The following SORCS3 variants were observed in gnomAD, a reference collection of about 807,000 sequenced individuals.
SORCS3 encodes sortilin related VPS10 domain containing receptor 3.
A neutral mutation model predicts 146.3 loss-of-function variants in SORCS3; 57 were observed. That is an observed-to-expected ratio of 0.39 (90% CI 0.31 to 0.49). The LOEUF is 0.49. SORCS3 is among the 20% of genes least tolerant of loss of function. The pLI is 0.92. For synonymous variants in SORCS3, 653 were observed against 618.5 expected, an observed-to-expected ratio of 1.06 and a Z score of -0.83; for missense variants, 1,341 against 1,575.5, an observed-to-expected ratio of 0.85 and a Z score of 2.52.
intron 1 of SORCS3, among the ~76,000 whole-genome samples, chr10:104,688,265 C>T (rs2016071043): frequency 1.3e-5 from 2 of 152,226 alleles, no homozygotes; most frequent in African/African-American, 4.8e-5. Context: ...TGCACCCTGA[C>T]TGGCCACTCA....
intron 18 of SORCS3, among the ~76,000 whole-genome samples, chr10:105,216,724 C>T (rs911583025): frequency 9.2e-5 from 14 of 152,104 alleles, no homozygotes; most frequent in Admixed American, 7.2e-4. Context: ...CAGCTTGCCC[C>T]GAGCTTGGGC....
In SORCS3 at chr10:105,211,046, G is replaced by T. The variant is rs1388756085; in HGVS notation, c.2262-91G>T. ...ACAATGTGTTATGACTTTCTGGATG[G>T]CAATAGGGACATGTATATGTTTGTG... On this transcript the variant is annotated intron_variant, in intron 16 of 26. Transcript: ENST00000369701. 19 of 781,200 alleles carry T rather than the reference G, an allele frequency of 2.4e-5. 1 individual carries two copies. The South Asian group carries it at 2.7e-4, about 11-fold the overall frequency. The allele number at this position is 781,200 out of a possible 1,614,324, so 48.4% of individuals were successfully genotyped here. A position where few individuals can be genotyped will look rare whatever the true frequency, so the allele number is the denominator to read the frequency against.
rs1288161732 is a variant in SORCS3 at position 105,201,199 on chromosome 10, A to C, written c.2207A>C (p.His736Pro). Residue 736 changes from histidine (H) to proline (P), a missense_variant, in exon 16 of 27, where the codon CAC (histidine) becomes CCC (proline). His to Pro is a moderately conservative substitution (Grantham distance 77). Coordinates refer to ENST00000369701, the MANE Select transcript of SORCS3 (RefSeq NM_014978.3). ...PGAQCALGRD[H>P]SGSVVSEPCV... is the part of the protein sequence containing the mutation. ...GCTCAGTGTGCCCTGGGCCGAGACC[A>C]CTCAGGATCAGTGGTCTCAGAACCC... 1.2e-5 allele frequency: 20 copies of C among 1,611,646 alleles called. No individual in the cohort carries two copies. Among genetic ancestry groups the C allele is most frequent in the Non-Finnish European group, 1.4e-5 (17 of 1,178,958 alleles).
At chr10:105,183,369 T>C (rs2056454512) in intron 14 of SORCS3, among the ~76,000 whole-genome samples, 1 of 152,164 alleles carries the variant, frequency 6.6e-6, no homozygotes, top group Non-Finnish European at 1.5e-5. Flanking sequence ...AGAGGTTTTT[T>C]TTTCTTTTTT....
At chr10:104,955,198 G>A (rs947482494) in intron 3 of SORCS3, among the ~76,000 whole-genome samples, 7 of 152,052 alleles carry the variant, frequency 4.6e-5, no homozygotes, top group African/African-American at 7.2e-5. Context: ...CCTAGTCTCT[G>A]GCAATCACCC....
In SORCS3 at chr10:104,719,808, A is replaced by G. The variant is rs567266518; in HGVS notation, c.627+77854A>G. ...GCAGGAAACCATGAGAATTATGTGA[A>G]TGAGAATTATGCTCTTGCCGAGATT... On this transcript the variant is annotated intron_variant, in intron 1 of 26. Coordinates refer to ENST00000369701, the MANE Select transcript of SORCS3 (RefSeq NM_014978.3). Among the ~76,000 whole-genome samples, 3 of 152,274 alleles carry G rather than the reference A, an allele frequency of 2.0e-5. No individual in the cohort carries two copies. In the South Asian group the frequency reaches 6.2e-4, roughly 32 times the overall value.
At chr10:104,674,549 C>T (rs1231087208) in intron 1 of SORCS3, among the ~76,000 whole-genome samples, 1 of 152,210 alleles carries the variant, frequency 6.6e-6, no homozygotes. Flanking sequence ...CAAATCTTCC[C>T]TCAGTTGAGC....
chr10:104,977,674 A>C (rs1424640533), intron 4 of SORCS3, among the ~76,000 whole-genome samples, 181 bp downstream of exon 4: 4 of 151,930 alleles, frequency 2.6e-5, no homozygotes, highest in Non-Finnish European at 5.9e-5. Flanking sequence ...TAAGTATCAA[A>C]ATATGTAGAC....
At chr10:104,666,857 T>C (rs937501231) in intron 1 of SORCS3, among the ~76,000 whole-genome samples, 6 of 152,102 alleles carry the variant, frequency 3.9e-5, no homozygotes, top group African/African-American at 1.4e-4. Flanking sequence ...TCTTATTTCA[T>C]CCTCACAAAG....
chr10:104,763,923 T>A (rs2017150974), intron 1 of SORCS3, among the ~76,000 whole-genome samples: 2 of 152,046 alleles, frequency 1.3e-5, no homozygotes, highest in Admixed American at 1.3e-4. Flanking sequence ...GAAGGTGCCT[T>A]GCTTCCCTTT....
At chr10:105,063,425 G>C (rs1291239595) in intron 5 of SORCS3, among the ~76,000 whole-genome samples, 1 of 152,140 alleles carries the variant, frequency 6.6e-6, no homozygotes, top group African/African-American at 2.4e-5. Flanking sequence ...CACTGTATCT[G>C]TTGTGCTGAT....
chr10:105,254,674 C>T (rs2056919779), intron 23 of SORCS3, among the ~76,000 whole-genome samples: 1 of 151,904 alleles, frequency 6.6e-6, no homozygotes, highest in African/African-American at 2.4e-5. Flanking sequence ...TGGCACGTGC[C>T]TATAATCCCA....
At chr10:105,253,435 G>A (rs2056912743) in intron 23 of SORCS3, among the ~76,000 whole-genome samples, 1 of 152,144 alleles carries the variant, frequency 6.6e-6, no homozygotes, top group Non-Finnish European at 1.5e-5. Flanking sequence ...ATTTCCAAAA[G>A]GGATTGTGAT....
intron 7 of SORCS3, among the ~76,000 whole-genome samples, chr10:105,110,673 A>T (rs1183649979): frequency 1.3e-5 from 2 of 151,542 alleles, no homozygotes; most frequent in East Asian, 3.9e-4. Flanking sequence ...AATATATATG[A>T]CTCCTTTCCC....
At chr10:104,763,223 A>G (rs1449656525) in intron 1 of SORCS3, among the ~76,000 whole-genome samples, 3 of 152,218 alleles carry the variant, frequency 2.0e-5, no homozygotes, top group Non-Finnish European at 2.9e-5. Context: ...ATTCTTACGC[A>G]TGCTAGATTT....
chr10:104,885,412 AT>A (rs2018672727), intron 2 of SORCS3, among the ~76,000 whole-genome samples: 1 of 152,150 alleles, frequency 6.6e-6, no homozygotes, highest in Non-Finnish European at 1.5e-5. Flanking sequence ...TGTTCAAAAT[AT>A]TCCTTTCCTT....
chr10:104,794,614 A>AGAAG (rs375585463), intron 1 of SORCS3, among the ~76,000 whole-genome samples: 1 of 88,612 alleles, frequency 1.1e-5, no homozygotes, highest in African/African-American at 5.7e-5. Flanking sequence ...TGAGAGAGAG[A>AGAAG]GAGGGAGGGA....
chr10:104,742,626 G>A (rs2016861601), intron 1 of SORCS3, among the ~76,000 whole-genome samples: 1 of 152,250 alleles, frequency 6.6e-6, no homozygotes, highest in Non-Finnish European at 1.5e-5. Flanking sequence ...ACCTTGGACA[G>A]CTGGGCCTGG....
intron 1 of SORCS3, among the ~76,000 whole-genome samples, chr10:104,801,621 A>T (rs2017625098): frequency 6.6e-6 from 1 of 152,194 alleles, no homozygotes; most frequent in African/African-American, 2.4e-5. Flanking sequence ...TTCAGTGTAG[A>T]TGGGATCTTT....
Sources: gnomAD v4.1 joint callset for allele counts (sites outside exome capture counted in the v4.1 genomes callset) on GRCh38, gnomAD v4.1.1 for gene constraint, MANE v1.5 for transcripts, NCBI Gene and HGNC (gene_info 2026-07-23, HGNC 2026-07-21) for gene names.